PALM: variants seen among roughly 807,000 people sequenced by gnomAD.
The protein encoded by PALM is paralemmin, also known as paralemmin-1.
PALM carries 18 observed loss-of-function variants against 30.7 expected under a neutral mutation model. The observed-to-expected ratio is 0.59, with a 90% confidence interval of 0.41 to 0.87. PALM has a LOEUF of 0.87. Among genes scored for constraint, PALM ranks in the 40% least tolerant of loss-of-function variants. The pLI, the probability that PALM is intolerant of heterozygous loss-of-function variation, is 0.00. For missense variants in PALM, 529 were observed against 555.4 expected, an observed-to-expected ratio of 0.95 and a Z score of 0.48; for synonymous variants, 286 against 242.8, an observed-to-expected ratio of 1.18 and a Z score of -1.66.
chr19:721,438 G>C (rs1054012928), intron 1 of PALM, among the ~76,000 whole-genome samples: 39 of 151,688 alleles, frequency 2.6e-4, no homozygotes, highest in Middle Eastern at 3.4e-3. Context: ...GCTAATTTTT[G>C]TATTTTTAGT....
intron 7 of PALM, among the ~76,000 whole-genome samples, chr19:740,034 C>T (rs1638957927): frequency 6.6e-6 from 1 of 152,176 alleles, no homozygotes; most frequent in African/African-American, 2.4e-5. Context: ...CTGAGCTTGA[C>T]AGACAATAGT....
intron 1 of PALM, among the ~76,000 whole-genome samples, chr19:717,279 C>A (rs928654955): frequency 2.6e-5 from 4 of 152,136 alleles, no homozygotes; most frequent in Non-Finnish European, 5.9e-5. Context: ...ACCCCCAAAA[C>A]AAGCCCTGTC....
chr19:727,494 A>C, intron 3 of PALM, 70 bp from the exon 4 acceptor site: 1 of 1,291,650 alleles, frequency 7.7e-7, no homozygotes, highest in East Asian at 2.5e-5. Context: ...CCTGACCCTG[A>C]CCTCAGTCTT....
At position 727,599 on chromosome 19, in the gene PALM, G is replaced by C; in HGVS notation, c.174G>C (p.Gly58=). 1 of 1,586,742 alleles carries C rather than the reference G, an allele frequency of 6.3e-7. No individual in the cohort carries two copies. The highest frequency in any genetic ancestry group is 8.6e-7 in the Non-Finnish European group (1 of 1,167,410). The part of the protein sequence containing the change: ...KALRERWLLE[G]TPSSASEGDE... Reference sequence around the variant, plus strand: ...TGCGGGAGCGCTGGCTGCTGGAGGGGACGCCGTCCTCGGCCTCAGAGGGGG... The same window carrying C: ...TGCGGGAGCGCTGGCTGCTGGAGGGCACGCCGTCCTCGGCCTCAGAGGGGG... Residue 58 remains glycine (G), a synonymous_variant, in exon 4 of 9, where the codon GGG becomes GGC. Transcript: ENST00000338448.
At chr19:738,999 C>T (rs12608483) in intron 7 of PALM, among the ~76,000 whole-genome samples, 4 of 152,298 alleles carry the variant, frequency 2.6e-5, no homozygotes, top group African/African-American at 4.8e-5. Context: ...GTTCAGCTCC[C>T]GCTGCGGGGC....
chr19:734,418 A>G (rs2032962905), intron 6 of PALM: 2 of 562,098 alleles, frequency 3.6e-6, no homozygotes, highest in Non-Finnish European at 6.3e-6. Flanking sequence ...AAAGACAATT[A>G]GCCGGGTGTG....
In PALM at chr19:708,986, C is replaced by A; in HGVS notation, c.-161C>A. 6.7e-6 allele frequency: 1 copy of A among 148,898 alleles called. No individual in the cohort carries two copies. Among genetic ancestry groups the A allele is most frequent in the South Asian group, 1.8e-4 (1 of 5,600 alleles). The allele number at this position is 148,898 out of a possible 1,614,324, so 9.2% of individuals were successfully genotyped here. A position where few individuals can be genotyped will look rare whatever the true frequency, so the allele number is the denominator to read the frequency against. ...CAGCAGCTTTGCGCGGGGCGATGCC[C>A]GAGCCGGTGCCGCCGCCCCCGCGCC... On this transcript the variant is annotated 5_prime_UTR_variant, in exon 1 of 9. Coordinates refer to ENST00000338448, the MANE Select transcript of PALM (RefSeq NM_002579.3).
At position 714,412 on chromosome 19, in the gene PALM, G is replaced by A. The variant is rs189608447; in HGVS notation, c.5+5261G>A. On this transcript the variant is annotated intron_variant, in intron 1 of 8. Coordinates refer to ENST00000338448, the MANE Select transcript of PALM (RefSeq NM_002579.3). ...CTCTCTCTGTCGCCCAGGCTGGAGT[G>A]CAGTGGCGAGATCTCGGCTCACTGC... Among the ~76,000 whole-genome samples, 1,115 of 140,152 alleles carry A rather than the reference G, an allele frequency of 8.0e-3. 15 individuals carry two copies. Among genetic ancestry groups the A allele is most frequent in the African/African-American group, 0.027 (1,008 of 37,664 alleles). 91.9% of individuals were successfully genotyped at this position (140,152 alleles called of 152,430 possible).
rs118138342 is a variant in PALM at position 726,656 on chromosome 19, C to A, written c.58-352C>A. Among the ~76,000 whole-genome samples the A allele has an allele frequency of 2.6e-3, 390 of 152,254 alleles. 8 individuals carry two copies. The highest frequency in any genetic ancestry group is 3.6e-3 in the Non-Finnish European group (247 of 68,006). ...TAGCTGGGATTATGAGTGACCGCCA[C>A]GACGCTGGGCTAATTGTTGTATTTT... On this transcript the variant is annotated intron_variant, in intron 2 of 8. Transcript: ENST00000338448.
intron 6 of PALM, among the ~76,000 whole-genome samples, chr19:735,795 G>A (rs530760497): frequency 3.0e-4 from 42 of 138,492 alleles, no homozygotes; most frequent in African/African-American, 1.1e-3. Flanking sequence ...CCAGGTGCCT[G>A]TGTCCGGGTG....
intron 5 of PALM, among the ~76,000 whole-genome samples, chr19:732,277 T>G (rs568558873): frequency 6.6e-6 from 1 of 152,272 alleles, no homozygotes; most frequent in Non-Finnish European, 1.5e-5. Flanking sequence ...TATCCCCGTG[T>G]GATGGAAGTA....
At chr19:730,905 G>C (rs1300183640) in intron 4 of PALM, among the ~76,000 whole-genome samples, 190 bp from the exon 5 acceptor site, 1 of 152,124 alleles carries the variant, frequency 6.6e-6, no homozygotes, top group Non-Finnish European at 1.5e-5. Context: ...AGACCCTGAG[G>C]CAGGAGGATC....
intron 1 of PALM, among the ~76,000 whole-genome samples, chr19:716,194 C>T (rs577881796): frequency 6.6e-6 from 1 of 152,130 alleles, no homozygotes; most frequent in East Asian, 1.9e-4. Flanking sequence ...GGCAGATCAC[C>T]TGAGTTCAGG....
Position 741,380 on chromosome 19 carries a change from T to G in PALM, c.634+897T>G, listed in dbSNP as rs547496737. ...AGCTGGGCTGGAGGGCTGAGGGGAG[T>G]TGGGCTGCAGGAGTGAGGGGAGACG... On this transcript the variant is annotated intron_variant, in intron 8 of 8. Transcript: ENST00000338448. Among the ~76,000 whole-genome samples, 17 of 105,120 alleles carry G rather than the reference T, an allele frequency of 1.6e-4. 1 individual carries two copies. Among genetic ancestry groups the G allele is most frequent in the East Asian group, 2.5e-4 (1 of 3,962 alleles). The allele number at this position is 105,120 out of a possible 152,430, so 69.0% of individuals were successfully genotyped here.
At chr19:725,435 C>A (rs893507619) in intron 1 of PALM, among the ~76,000 whole-genome samples, 3 of 152,100 alleles carry the variant, frequency 2.0e-5, no homozygotes, top group African/African-American at 7.2e-5. Context: ...GTGGCAGGCA[C>A]CTGTCATCCC....
At chr19:719,988 C>A (rs1265094862) in intron 1 of PALM, among the ~76,000 whole-genome samples, 1 of 152,162 alleles carries the variant, frequency 6.6e-6, no homozygotes, top group African/African-American at 2.4e-5. Flanking sequence ...GGCTACCCGG[C>A]GTCGGGGGCG....
intron 1 of PALM, among the ~76,000 whole-genome samples, chr19:711,447 C>G (rs1032889312): frequency 6.6e-6 from 1 of 152,198 alleles, no homozygotes; most frequent in African/African-American, 2.4e-5. Flanking sequence ...GCCCAGACTC[C>G]TCCCTGCTCG....
Position 709,810 on chromosome 19 carries a change from G to A in PALM, c.5+659G>A, listed in dbSNP as rs1001999952. ...GGGCGCCTGGGTGGGATACCCTCTC[G>A]GGGAAGTGTCTCGGAGCTGGGGCTC... On this transcript the variant is annotated intron_variant, in intron 1 of 8. Transcript: ENST00000338448. This position sits in a 1 kb window ranked among gnomAD's most constrained non-coding sequence, Gnocchi z 4.3. Among the ~76,000 whole-genome samples, 4 of 152,196 alleles carry A rather than the reference G, an allele frequency of 2.6e-5. No homozygotes were observed. The highest frequency in any genetic ancestry group is 2.1e-4 in the South Asian group (1 of 4,834).
rs112845418 is a variant in PALM, at chr19:735,773, G to A, written c.443-246G>A. Reference sequence around the variant, plus strand: ...TCTGAGGGCCCAGGTGCCTGTCTGGGTGTCTGGGGGCCCAGGTGCCTGTGT... The same window carrying A: ...TCTGAGGGCCCAGGTGCCTGTCTGGATGTCTGGGGGCCCAGGTGCCTGTGT... On this transcript the variant is annotated intron_variant, in intron 6 of 8. Transcript: ENST00000338448. 4.5e-3 allele frequency among the ~76,000 whole-genome samples: 427 copies of A among 94,626 alleles called. 1 individual carries two copies. The highest frequency in any genetic ancestry group is 0.018 in the African/African-American group (381 of 21,576). 62.1% of individuals were successfully genotyped at this position (94,626 alleles called of 152,430 possible). A position where few individuals can be genotyped will look rare whatever the true frequency, so the allele number is the denominator to read the frequency against.
Sources: gnomAD v4.1 joint callset for allele counts (sites outside exome capture counted in the v4.1 genomes callset) on GRCh38, gnomAD v4.1.1 for gene constraint, Gnocchi (gnomAD v3.1) non-coding constraint, MANE v1.5 for transcripts, NCBI Gene and HGNC (gene_info 2026-07-23, HGNC 2026-07-21) for gene names.